The following LURAP1L variants were observed in gnomAD, a reference collection of about 807,000 sequenced individuals.
LURAP1L encodes the protein leucine rich adaptor protein 1 like, also known as leucine rich adaptor protein 1-like.
In LURAP1L, 12 loss-of-function variants were observed where a neutral mutation model predicts 13.8. The ratio of observed to expected loss-of-function variants is 0.87; its 90% CI spans 0.56 to 1.41. The LOEUF (loss-of-function observed/expected upper bound fraction) is 1.41. Ranked by LOEUF, LURAP1L falls within the 40% of genes most tolerant of loss-of-function variation. The pLI, the probability that LURAP1L is intolerant of heterozygous loss-of-function variation, is 0.00. For synonymous variants in LURAP1L, 139 were observed against 119.2 expected (o/e 1.17, Z -1.08); for missense variants, 375 against 292.9 (o/e 1.28, Z -2.04).
intron 1 of LURAP1L, among the ~76,000 whole-genome samples, chr9:12,794,209 T>C (rs751143428): frequency 1.3e-5 from 2 of 151,996 alleles, no homozygotes; most frequent in African/African-American, 2.4e-5. Context: ...ACAGAGAAAA[T>C]GTATTTCCAT....
intron 1 of LURAP1L, among the ~76,000 whole-genome samples, chr9:12,814,896 G>T (rs895707650): frequency 6.6e-6 from 1 of 152,180 alleles, no homozygotes. Context: ...TGATGTGAAA[G>T]GGAATCCTCT....
At position 12,822,014 on chromosome 9, in the gene LURAP1L, A is replaced by AG. The variant is rs1453859632; in HGVS notation, c.*259dup. 2.6e-6 allele frequency: 1 copy of AG among 378,902 alleles called. No individual in the cohort carries two copies. The highest frequency in any genetic ancestry group is 4.2e-5 in the Admixed American group (1 of 23,962). The allele number at this position is 378,902 out of a possible 1,614,324, so 23.5% of individuals were successfully genotyped here. On this transcript the variant is annotated 3_prime_UTR_variant, in exon 2 of 2. Coordinates refer to ENST00000319264, the MANE Select transcript of LURAP1L (RefSeq NM_203403.2). ...TCTTTTACAGTAGCACAAACAAAGT[A>AG]GGGGGAAAAGAATAAGCAATAATTA... is the stretch of plus-strand genomic sequence containing the variant.
rs1410887279 is a variant in LURAP1L, at chr9:12,822,388, G to A, written c.*628G>A. Among the ~76,000 whole-genome samples the A allele has an allele frequency of 6.6e-6, 1 of 152,104 alleles. No individual in the cohort carries two copies. The highest frequency in any genetic ancestry group is 1.9e-4 in the East Asian group (1 of 5,200). On this transcript the variant is annotated 3_prime_UTR_variant, in exon 2 of 2. Coordinates refer to ENST00000319264, the MANE Select transcript of LURAP1L (RefSeq NM_203403.2). Reference sequence around the variant, plus strand: ...TGTTGGTACTTTAGATTAACATTTTGTCATCAGTGATTCTAACTCAAATCA... The same window carrying A: ...TGTTGGTACTTTAGATTAACATTTTATCATCAGTGATTCTAACTCAAATCA...
intron 1 of LURAP1L, among the ~76,000 whole-genome samples, chr9:12,821,049 A>G (rs1819872758): frequency 6.6e-6 from 1 of 152,174 alleles, no homozygotes; most frequent in Admixed American, 6.5e-5. Flanking sequence ...CAACGTAAAC[A>G]TTAATAAACT....
intron 1 of LURAP1L, among the ~76,000 whole-genome samples, chr9:12,818,372 C>G (rs1415483198): frequency 1.3e-5 from 2 of 152,148 alleles, no homozygotes; most frequent in Non-Finnish European, 2.9e-5. Context: ...GTCTTAAGAG[C>G]TAAACTTTCA....
At chr9:12,812,344 A>T (rs1196241479) in intron 1 of LURAP1L, among the ~76,000 whole-genome samples, 1 of 152,182 alleles carries the variant, frequency 6.6e-6, no homozygotes, top group African/African-American at 2.4e-5. Flanking sequence ...TTTTAACAAG[A>T]TTTGATCCAT....
chr9:12,816,567 C>A (rs1368706437), intron 1 of LURAP1L, among the ~76,000 whole-genome samples: 1 of 152,082 alleles, frequency 6.6e-6, no homozygotes, highest in African/African-American at 2.4e-5. Flanking sequence ...CAATGCATAA[C>A]CTTTGTATTC....
At chr9:12,790,373 C>T (rs1300282991) in intron 1 of LURAP1L, among the ~76,000 whole-genome samples, 1 of 152,130 alleles carries the variant, frequency 6.6e-6, no homozygotes, top group Non-Finnish European at 1.5e-5. Flanking sequence ...TATTTAATTA[C>T]TGAATTAAAG....
intron 1 of LURAP1L, among the ~76,000 whole-genome samples, chr9:12,811,796 C>A (rs1355276562): frequency 6.6e-6 from 1 of 152,170 alleles, no homozygotes; most frequent in Non-Finnish European, 1.5e-5. Flanking sequence ...TGTATTATCT[C>A]ACAGTTCTAT....
At chr9:12,814,777 G>C (rs1819782309) in intron 1 of LURAP1L, among the ~76,000 whole-genome samples, 1 of 152,176 alleles carries the variant, frequency 6.6e-6, no homozygotes, top group South Asian at 2.1e-4. Context: ...ATGTAATTTA[G>C]TCCTTGGGGA....
chr9:12,794,744 TAAC>T (rs77196888), intron 1 of LURAP1L, among the ~76,000 whole-genome samples: 70 of 151,924 alleles, frequency 4.6e-4, no homozygotes, highest in Non-Finnish European at 9.9e-4. Context: ...GCACACCATT[TAAC>T]AACATAAATG....
chr9:12,797,477 T>C (rs2118504437), intron 1 of LURAP1L, among the ~76,000 whole-genome samples: 1 of 152,240 alleles, frequency 6.6e-6, no homozygotes, highest in East Asian at 1.9e-4. Context: ...AAAACAGACC[T>C]TTTTACAACT....
intron 1 of LURAP1L, among the ~76,000 whole-genome samples, chr9:12,793,552 TAA>T (rs1007501826): frequency 1.3e-5 from 2 of 152,086 alleles, no homozygotes; most frequent in Non-Finnish European, 2.9e-5. Flanking sequence ...AGTGGGATTA[TAA>T]GAGACTAATT....
At chr9:12,786,573 T>TATATATATATAC (rs1819357510) in intron 1 of LURAP1L, among the ~76,000 whole-genome samples, 1 of 129,264 alleles carries the variant, frequency 7.7e-6, no homozygotes, top group Non-Finnish European at 1.7e-5. Flanking sequence ...TATATATATA[T>TATATATATATAC]ATATATATAA....
chr9:12,777,121 G>A (rs759331329), intron 1 of LURAP1L: 59 of 525,608 alleles, frequency 1.1e-4, no homozygotes, highest in Non-Finnish European at 1.3e-4. Flanking sequence ...CACTCCGACA[G>A]GAATGCTGGA....
intron 1 of LURAP1L, chr9:12,777,335 T>C: frequency 2.0e-6 from 2 of 985,422 alleles, no homozygotes; most frequent in Non-Finnish European, 2.4e-6. Flanking sequence ...AGGGGATGCC[T>C]GATACCGTAT....
chr9:12,822,792 A>G lies in LURAP1L; in HGVS notation c.*1032A>G, dbSNP rs1819899222. Among the ~76,000 whole-genome samples, 1 of 152,198 alleles carries G rather than the reference A, an allele frequency of 6.6e-6. No individual in the cohort carries two copies. Among genetic ancestry groups the G allele is most frequent in the Admixed American group, 6.5e-5 (1 of 15,284 alleles). ...TAGACAGTGGATATTTACTTTAAAT[A>G]TAATGTTATTAATCCTCTGCATTTC... On this transcript the variant is annotated 3_prime_UTR_variant, in exon 2 of 2. Transcript: ENST00000319264.
At chr9:12,780,919 A>G (rs568179765) in intron 1 of LURAP1L, among the ~76,000 whole-genome samples, 1 of 152,240 alleles carries the variant, frequency 6.6e-6, no homozygotes, top group African/African-American at 2.4e-5. Context: ...GCCATTTATC[A>G]TATCTTTGTG....
rs773077075 is a variant in LURAP1L at position 12,821,742 on chromosome 9, A to G, written c.669A>G (p.Glu223=). The G allele has an allele frequency of 1.2e-5, 19 of 1,613,234 alleles. No homozygotes were observed. The highest frequency in any genetic ancestry group is 1.7e-5 in the Admixed American group (1 of 59,986). The part of the protein sequence containing the change: ...ALHKRPKLDS[E]YYCFG The stretch of plus-strand genomic sequence containing the variant: ...ACAAGCGTCCTAAATTGGATTCTGA[A>G]TACTACTGCTTTGGCTAGTGACAGT... Residue 223 remains glutamate, a synonymous_variant, in exon 2 of 2, where the codon GAA becomes GAG. Transcript: ENST00000319264.
Sources: gnomAD v4.1 joint callset for allele counts (sites outside exome capture counted in the v4.1 genomes callset) on GRCh38, gnomAD v4.1.1 for gene constraint, MANE v1.5 for transcripts, NCBI Gene and HGNC (gene_info 2026-07-23, HGNC 2026-07-21) for gene names.